LINGO2: variants seen among roughly 807,000 people sequenced by gnomAD.
LINGO2 encodes the protein leucine rich repeat and Ig domain containing 2, also known as leucine-rich repeat and immunoglobulin-like domain-containing nogo receptor-interacting protein 2.
Under a neutral mutation model 30.6 loss-of-function variants are expected in LINGO2, and 14 were observed. The observed-to-expected ratio is 0.46, with a 90% CI of 0.30 to 0.72. The LOEUF (loss-of-function observed/expected upper bound fraction) is 0.72. Among genes scored for constraint, LINGO2 ranks in the 30% least tolerant of loss-of-function variants. LINGO2 has a pLI of 0.07. For synonymous variants in LINGO2, 317 were observed against 288.5 expected (o/e 1.10, Z -1.00); for missense variants, 729 against 751.7 (o/e 0.97, Z 0.35).
Position 28,279,248 on chromosome 9 carries a change from T to C in LINGO2, c.-87+15960A>G, listed in dbSNP as rs377704354. Among the ~76,000 whole-genome samples, 4 of 152,274 alleles carry C rather than the reference T, an allele frequency of 2.6e-5. No individual in the cohort carries two copies. The East Asian group carries it at 5.8e-4, about 22-fold the overall frequency. ...ACATTGGTGAAATGACAACAGAAGA[T>C]TTAGAATATTAAATAAACTTATTTG... On this transcript the variant is annotated intron_variant, in intron 4 of 5. Transcript: ENST00000379992.
chr9:29,187,905 A>G, the LINGO2 span, among the ~76,000 whole-genome samples: 2 of 151,250 alleles, frequency 1.3e-5, no homozygotes, highest in East Asian at 3.9e-4. Context: ...TGATGTCAGC[A>G]TAAGACTGAG....
At chr9:28,383,866 C>T (rs1379168714) in intron 2 of LINGO2, among the ~76,000 whole-genome samples, 2 of 151,880 alleles carry the variant, frequency 1.3e-5, no homozygotes, top group Non-Finnish European at 2.9e-5. Context: ...CACTTTTTTC[C>T]ACCTCACCTG....
At chr9:29,058,312 T>C in the LINGO2 span, among the ~76,000 whole-genome samples, 7 of 152,026 alleles carry the variant, frequency 4.6e-5, no homozygotes, top group Admixed American at 3.9e-4. Context: ...AGTAAAAACA[T>C]CACTGGCTGC....
intron 4 of LINGO2, among the ~76,000 whole-genome samples, chr9:28,049,857 C>T (rs1371609746): frequency 6.6e-6 from 1 of 150,580 alleles, no homozygotes; most frequent in African/African-American, 2.5e-5. Flanking sequence ...CCATAAGTCA[C>T]TGAAGCCTCT....
chr9:28,945,990 T>C, the LINGO2 span, among the ~76,000 whole-genome samples: 1 of 152,322 alleles, frequency 6.6e-6, no homozygotes, highest in Non-Finnish European at 1.5e-5. Flanking sequence ...GTCCTTATTC[T>C]GGAAGATTCC....
intron 4 of LINGO2, among the ~76,000 whole-genome samples, chr9:28,040,875 G>A (rs1043610280): frequency 6.6e-6 from 1 of 152,028 alleles, no homozygotes; most frequent in Non-Finnish European, 1.5e-5. Flanking sequence ...TTGATCTACT[G>A]CCTATTATAT....
intron 1 of LINGO2, among the ~76,000 whole-genome samples, chr9:28,508,517 A>T (rs963198669): frequency 4.0e-5 from 6 of 151,618 alleles, no homozygotes; most frequent in African/African-American, 1.5e-4. Context: ...TTTTTGGTTA[A>T]TTTTTTTAAA....
chr9:28,070,515 C>T (rs1388278138), intron 4 of LINGO2, among the ~76,000 whole-genome samples: 1 of 152,192 alleles, frequency 6.6e-6, no homozygotes, highest in Non-Finnish European at 1.5e-5. Context: ...TTTCCATCTA[C>T]ATAATGCTAG....
At chr9:28,460,997 T>C (rs1300394700) in intron 2 of LINGO2, among the ~76,000 whole-genome samples, 1 of 152,150 alleles carries the variant, frequency 6.6e-6, no homozygotes, top group East Asian at 1.9e-4. Flanking sequence ...TAGAGAGTAT[T>C]GAAGATACAA....
At chr9:28,251,591 G>C (rs1223418493) in intron 4 of LINGO2, among the ~76,000 whole-genome samples, 1 of 151,270 alleles carries the variant, frequency 6.6e-6, no homozygotes, top group Non-Finnish European at 1.5e-5. Flanking sequence ...CTCTTTAGCA[G>C]ATTGTCTGTG....
At chr9:29,091,596 G>A in the LINGO2 span, among the ~76,000 whole-genome samples, 2 of 151,902 alleles carry the variant, frequency 1.3e-5, no homozygotes, top group South Asian at 4.1e-4. Context: ...AGCCTCCTTT[G>A]CAGTTCATGA....
upstream of LINGO2, among the ~76,000 whole-genome samples, chr9:28,672,786 A>T (rs1045878059): frequency 6.6e-6 from 1 of 152,132 alleles, no homozygotes; most frequent in Non-Finnish European, 1.5e-5. Context: ...TTTGTTTATG[A>T]TCATATTTAT....
At chr9:28,821,799 C>T in the LINGO2 span, among the ~76,000 whole-genome samples, 2 of 152,268 alleles carry the variant, frequency 1.3e-5, no homozygotes, top group South Asian at 2.1e-4. Flanking sequence ...TCTGGTTCCA[C>T]ATGAAGTATA....
chr9:29,052,989 T>G, the LINGO2 span, among the ~76,000 whole-genome samples: 1 of 152,144 alleles, frequency 6.6e-6, no homozygotes, highest in East Asian at 1.9e-4. Flanking sequence ...TAATTATTTC[T>G]GAAACTGTCA....
the LINGO2 span, among the ~76,000 whole-genome samples, chr9:29,040,315 A>T: frequency 6.6e-6 from 1 of 152,090 alleles, no homozygotes; most frequent in Non-Finnish European, 1.5e-5. Flanking sequence ...TAATACATAT[A>T]ATTAACTAAA....
At chr9:28,669,017 T>A (rs1473569558) in intron 1 of LINGO2, among the ~76,000 whole-genome samples, 3 of 152,218 alleles carry the variant, frequency 2.0e-5, no homozygotes, top group Middle Eastern at 3.4e-3. Flanking sequence ...TTTTAAAAAA[T>A]TTGACCAATA....
intron 2 of LINGO2, among the ~76,000 whole-genome samples, chr9:28,383,187 C>T (rs1821421927): frequency 6.6e-6 from 1 of 151,594 alleles, no homozygotes; most frequent in Admixed American, 6.6e-5. Flanking sequence ...TGACTTCTGC[C>T]CACGTGGGTT....
chr9:28,272,111 T>C (rs1587365060), intron 4 of LINGO2, among the ~76,000 whole-genome samples: 1 of 152,154 alleles, frequency 6.6e-6, no homozygotes, highest in Admixed American at 6.5e-5. Flanking sequence ...GGCTGCAGCC[T>C]TAATACAAGC....
chr9:28,457,160 A>G (rs913373857), intron 2 of LINGO2, among the ~76,000 whole-genome samples: 1 of 152,114 alleles, frequency 6.6e-6, no homozygotes, highest in African/African-American at 2.4e-5. Context: ...TTCAGGAGAA[A>G]CCTTGACCCA....
Sources: allele counts gnomAD v4.1 joint callset (sites outside exome capture counted in the v4.1 genomes callset), GRCh38; gene constraint gnomAD v4.1.1; transcripts MANE v1.5; gene names NCBI Gene and HGNC (gene_info 2026-07-23, HGNC 2026-07-21).